Variants in SUSD6 observed in about 807,000 individuals in gnomAD.
SUSD6 encodes sushi domain-containing protein 6.
In SUSD6, 16 loss-of-function variants were observed where a neutral mutation model predicts 28.4. The observed-to-expected ratio is 0.56, with a 90% CI of 0.38 to 0.86. The LOEUF is 0.86. Among genes scored for constraint, SUSD6 ranks in the 40% least tolerant of loss-of-function variants. The pLI is 0.00. For synonymous variants in SUSD6, 147 were observed against 159.6 expected, an observed-to-expected ratio of 0.92 and a Z score of 0.59; for missense variants, 341 against 384.2, an observed-to-expected ratio of 0.89 and a Z score of 0.94.
In SUSD6 at chr14:69,681,082, G is replaced by T. The variant is rs139502123; in HGVS notation, c.122-22313G>T. On this transcript the variant is annotated intron_variant, in intron 2 of 5. Coordinates refer to ENST00000342745, the MANE Select transcript of SUSD6 (RefSeq NM_014734.4). Reference sequence around the variant, plus strand: ...TTTTTTGTGGTTAAGAGCTGATGTTGATATCCTTATAAATTGTCTTCCTAC... The same window carrying T: ...TTTTTTGTGGTTAAGAGCTGATGTTTATATCCTTATAAATTGTCTTCCTAC... Among the ~76,000 whole-genome samples the T allele has an allele frequency of 7.6e-3, 1,163 of 152,342 alleles. 14 individuals carry two copies. Among genetic ancestry groups the T allele is most frequent in the African/African-American group, 0.026 (1,098 of 41,564 alleles).
At chr14:69,704,505 C>A in intron 3 of SUSD6, 99 bp from the exon 4 acceptor site, 3 of 1,229,552 alleles carry the variant, frequency 2.4e-6, no homozygotes, top group Non-Finnish European at 3.4e-6. Context: ...GTCTGTATTG[C>A]ACCATTCAGG....
intron 1 of SUSD6, among the ~76,000 whole-genome samples, chr14:69,632,729 G>A (rs1885213700): frequency 6.6e-6 from 1 of 151,970 alleles, no homozygotes; most frequent in South Asian, 2.1e-4. Flanking sequence ...AGGCAGAATG[G>A]CTGAGATGAC....
At chr14:69,699,796 A>G (rs568326753) in intron 2 of SUSD6, among the ~76,000 whole-genome samples, 58 of 152,280 alleles carry the variant, frequency 3.8e-4, no homozygotes, top group African/African-American at 1.3e-3. Context: ...GAAGTTTAAT[A>G]GGCGAAAGAG....
At chr14:69,625,858 C>G (rs1353258765) in intron 1 of SUSD6, among the ~76,000 whole-genome samples, 2 of 152,200 alleles carry the variant, frequency 1.3e-5, no homozygotes, top group African/African-American at 4.8e-5. Flanking sequence ...CTGGAGTCCT[C>G]ACTGACAGCC....
At position 69,702,347 on chromosome 14, in the gene SUSD6, G is replaced by A. The variant is rs565276211; in HGVS notation, c.122-1048G>A. ...CTGTTTTGGCTGGTAATACCCGGCAGTCCACCACCTGGGGTCTTCAGTTTT... is the reference window on the plus strand; with the variant it reads ...CTGTTTTGGCTGGTAATACCCGGCAATCCACCACCTGGGGTCTTCAGTTTT... On this transcript the variant is annotated intron_variant, in intron 2 of 5. Transcript: ENST00000342745. 1.8e-4 allele frequency among the ~76,000 whole-genome samples: 28 copies of A among 152,292 alleles called. 1 individual carries two copies. In the South Asian group the frequency reaches 4.8e-3, roughly 26 times the overall value.
intron 1 of SUSD6, among the ~76,000 whole-genome samples, chr14:69,646,862 C>T (rs975202029): frequency 1.8e-4 from 28 of 152,058 alleles, no homozygotes; most frequent in Admixed American, 1.6e-3. Flanking sequence ...CCACCATGCC[C>T]GGCTAATTTT....
At chr14:69,682,947 CTTTTTTT>C (rs5809442) in intron 2 of SUSD6, among the ~76,000 whole-genome samples, 28 of 62,666 alleles carry the variant, frequency 4.5e-4, no homozygotes, top group African/African-American at 1.3e-3. Context: ...TCCAAGAAGC[CTTTTTTT>C]TTTTTTTTTT....
chr14:69,662,150 G>A (rs567168634), intron 2 of SUSD6, among the ~76,000 whole-genome samples: 23 of 152,102 alleles, frequency 1.5e-4, no homozygotes, highest in Non-Finnish European at 3.4e-4. Flanking sequence ...ACATTTTTAA[G>A]TGGGTGCTTG....
chr14:69,696,579 A>G (rs951133455), intron 2 of SUSD6, among the ~76,000 whole-genome samples: 2 of 152,218 alleles, frequency 1.3e-5, no homozygotes, highest in African/African-American at 4.8e-5. Context: ...TTAGTGCTAA[A>G]TGCCTCCTTC....
At chr14:69,647,778 A>C (rs1173435406) in intron 1 of SUSD6, among the ~76,000 whole-genome samples, 2 of 152,180 alleles carry the variant, frequency 1.3e-5, no homozygotes, top group African/African-American at 4.8e-5. Context: ...TGAGACCAGA[A>C]GTTTGAGACC....
intron 2 of SUSD6, among the ~76,000 whole-genome samples, chr14:69,683,179 T>C (rs1886023599): frequency 2.0e-5 from 3 of 152,092 alleles, no homozygotes; most frequent in Admixed American, 2.0e-4. Flanking sequence ...TTGCCACGAC[T>C]GGGGTCTGGA....
rs1595046935 is a variant in SUSD6, at chr14:69,663,996, T to C, written c.121+5283T>C. Among the ~76,000 whole-genome samples, 6 of 152,020 alleles carry C rather than the reference T, an allele frequency of 3.9e-5. No individual in the cohort carries two copies. The South Asian group carries it at 1.2e-3, about 32-fold the overall frequency. On this transcript the variant is annotated intron_variant, in intron 2 of 5. Coordinates refer to ENST00000342745, the MANE Select transcript of SUSD6 (RefSeq NM_014734.4). ...TTGTTTCTTTTTTTTTTTTTTTATT[T>C]GAGATGGAATCTCACTGTGTTGCCC...
At chr14:69,703,340 A>G in intron 2 of SUSD6, 55 bp from the exon 3 acceptor site, 1 of 1,389,998 alleles carries the variant, frequency 7.2e-7, no homozygotes, top group Non-Finnish European at 1.0e-6. Context: ...CACTGAGAGC[A>G]GACTCCTACT....
At chr14:69,705,656 C>T (rs909451992) in intron 4 of SUSD6, among the ~76,000 whole-genome samples, 2 of 152,180 alleles carry the variant, frequency 1.3e-5, no homozygotes, top group African/African-American at 4.8e-5. Context: ...GGAATGGAAC[C>T]CTGGCATTCA....
intron 1 of SUSD6, among the ~76,000 whole-genome samples, chr14:69,622,169 T>A (rs574332944): frequency 1.3e-5 from 2 of 152,304 alleles, no homozygotes; most frequent in African/African-American, 2.4e-5. Context: ...GGCTTTTTTG[T>A]TTGTTTGTTT....
chr14:69,676,332 C>T (rs564710608), intron 2 of SUSD6, among the ~76,000 whole-genome samples: 1 of 151,980 alleles, frequency 6.6e-6, no homozygotes, highest in South Asian at 2.1e-4. Flanking sequence ...ACTTAGAAAA[C>T]CAGTATCCTC....
At chr14:69,706,267 T>A (rs1039608248) in intron 4 of SUSD6, among the ~76,000 whole-genome samples, 1 of 152,136 alleles carries the variant, frequency 6.6e-6, no homozygotes, top group South Asian at 2.1e-4. Context: ...AATGAGGGAG[T>A]TTTCCCCCCT....
chr14:69,663,889 A>G (rs2139618218), intron 2 of SUSD6, among the ~76,000 whole-genome samples: 1 of 152,088 alleles, frequency 6.6e-6, no homozygotes, highest in East Asian at 1.9e-4. Flanking sequence ...ATTCTGATGG[A>G]GGAAGAAAGA....
chr14:69,695,809 G>A (rs1886216825), intron 2 of SUSD6, among the ~76,000 whole-genome samples: 1 of 152,226 alleles, frequency 6.6e-6, no homozygotes, highest in South Asian at 2.1e-4. Flanking sequence ...CATATGTAAA[G>A]TGCTCAGATA....
Sources: allele counts gnomAD v4.1 joint callset (sites outside exome capture counted in the v4.1 genomes callset), GRCh38; gene constraint gnomAD v4.1.1; transcripts MANE v1.5; gene names NCBI Gene and HGNC (gene_info 2026-07-23, HGNC 2026-07-21).